Variants in SPC25 observed in about 807,000 individuals in gnomAD.
SPC25 encodes SPC25 component of NDC80 kinetochore complex.
Under a neutral mutation model 29.6 loss-of-function variants are expected in SPC25, and 22 were observed. That is an observed-to-expected ratio of 0.74 (90% CI 0.53 to 1.06). The LOEUF (loss-of-function observed/expected upper bound fraction) is 1.06. Among genes scored for constraint, SPC25 ranks in the 50% least tolerant of loss-of-function variants. SPC25 has a pLI of 0.00. For synonymous variants in SPC25, 91 were observed against 90.4 expected (o/e 1.01, Z -0.04); for missense variants, 230 against 255.8 (o/e 0.90, Z 0.69).
downstream of SPC25, among the ~76,000 whole-genome samples, chr2:168,869,595 C>A (rs985717182): frequency 2.0e-5 from 3 of 152,130 alleles, no homozygotes; most frequent in Non-Finnish European, 2.9e-5. Context: ...CATGAGTGAA[C>A]TCCCATTCAC....
Position 168,863,706 on chromosome 2 carries a change from A to G in SPC25, n.419+9879T>C, listed in dbSNP as rs1172826149. The G allele has an allele frequency of 7.5e-6, 7 of 930,340 alleles. No homozygotes were observed. In the African/African-American group the frequency reaches 1.1e-4, roughly 14 times the overall value. 57.6% of individuals were successfully genotyped at this position (930,340 alleles called of 1,614,324 possible). On this transcript the variant is annotated intron_variant and non_coding_transcript_variant, in intron 4 of 4. Transcript: ENST00000479309. ...AAACTTTTGGCCTGTGAAATCAGGG[A>G]TAATGCAGAGACATTGTCTTGATCT...
downstream of SPC25, chr2:168,870,846 C>T (rs556436490): frequency 6.6e-6 from 1 of 151,542 alleles, no homozygotes; most frequent in Admixed American, 6.5e-5. Flanking sequence ...ACCCAGCCCT[C>T]CCATTATTGG....
chr2:168,863,785 C>T (rs1203285019), intron 4 of SPC25: 6 of 361,032 alleles, frequency 1.7e-5, no homozygotes, highest in African/African-American at 2.2e-5. Context: ...GCCAAACAAT[C>T]AAAAACACCA....
downstream of SPC25, among the ~76,000 whole-genome samples, chr2:168,869,778 T>G (rs1241647055): frequency 1.3e-5 from 2 of 152,320 alleles, no homozygotes; most frequent in East Asian, 1.9e-4. Flanking sequence ...ATGGCCATGT[T>G]GCCCAAGGTA....
chr2:168,870,803 T>A (rs2105820313), downstream of SPC25: 1 of 151,674 alleles, frequency 6.6e-6, no homozygotes, highest in South Asian at 2.1e-4. Flanking sequence ...GTGTGGCGAT[T>A]CCTCAGGGAC....
At chr2:168,881,267 G>C (rs1167127465) in intron 3 of SPC25, among the ~76,000 whole-genome samples, 1 of 151,970 alleles carries the variant, frequency 6.6e-6, no homozygotes, top group African/African-American at 2.4e-5. Flanking sequence ...AGTTCTTCTT[G>C]CCCTAGCCCT....
intron 4 of SPC25, chr2:168,864,892 T>A (rs1443857186): frequency 1.2e-6 from 2 of 1,614,000 alleles, no homozygotes; most frequent in Non-Finnish European, 1.7e-6. Flanking sequence ...GATCTTTGAA[T>A]GGGAAAAAAG....
intron 3 of SPC25, among the ~76,000 whole-genome samples, chr2:168,881,334 A>G (rs945929879): frequency 3.9e-5 from 6 of 152,210 alleles, no homozygotes; most frequent in African/African-American, 1.4e-4. Context: ...TGCTCAAAAT[A>G]AAAACAACAA....
Position 168,871,563 on chromosome 2 carries a change from A to G in SPC25, c.551-8T>C, listed in dbSNP as rs766830311. 2.9e-4 allele frequency: 210 copies of G among 736,608 alleles called. No homozygotes were observed. In the African/African-American group the frequency reaches 9.9e-3, roughly 35 times the overall value. 45.6% of individuals were successfully genotyped at this position (736,608 alleles called of 1,614,324 possible). ...GAGGGGCACTATCTGACACTAGAAA[A>G]AAAAAAAAAAGAAATCAAAGACAAT... is the stretch of plus-strand genomic sequence containing the variant. On this transcript the variant is annotated splice_polypyrimidine_tract_variant and splice_region_variant and intron_variant, in intron 6 of 6. Coordinates refer to ENST00000282074, the MANE Select transcript of SPC25 (RefSeq NM_020675.4).
chr2:168,886,050 C>CTTTTT (rs66484575), intron 3 of SPC25, among the ~76,000 whole-genome samples: 1 of 97,072 alleles, frequency 1.0e-5, no homozygotes, highest in Non-Finnish European at 2.0e-5. Context: ...CGAATACAAT[C>CTTTTT]TTTTTTTTTT....
intron 5 of SPC25, among the ~76,000 whole-genome samples, chr2:168,874,335 T>A (rs1015369825): frequency 6.6e-6 from 1 of 152,180 alleles, no homozygotes; most frequent in Non-Finnish European, 1.5e-5. Flanking sequence ...TCAAAAAGTT[T>A]AAATACAGAA....
chr2:168,889,353 C>T, intron 2 of SPC25, 34 bp downstream of exon 2: 9 of 1,613,474 alleles, frequency 5.6e-6, no homozygotes, highest in Non-Finnish European at 7.6e-6. Flanking sequence ...ACTAGAACAG[C>T]AAAACCAGCA....
At chr2:168,866,693 C>A (rs1242977980), downstream of SPC25, among the ~76,000 whole-genome samples, 1 of 152,208 alleles carries the variant, frequency 6.6e-6, no homozygotes, top group Non-Finnish European at 1.5e-5. Context: ...AACAGGCAAC[C>A]TACAGAATGG....
intron 4 of SPC25, among the ~76,000 whole-genome samples, chr2:168,864,639 C>T (rs1050162543): frequency 5.3e-5 from 8 of 152,172 alleles, no homozygotes; most frequent in Non-Finnish European, 7.4e-5. Context: ...CATTATCTTA[C>T]TCTTTTTAGT....
chr2:168,864,861 A>G, intron 4 of SPC25: 1 of 1,614,022 alleles, frequency 6.2e-7, no homozygotes, highest in Non-Finnish European at 8.5e-7. Context: ...CACGAGAAAA[A>G]AGAAGGAGGA....
Position 168,871,554 on chromosome 2 carries a change from C to T in SPC25, c.552G>A (p.Val184=), listed in dbSNP as rs765583624. Residue 184 remains valine, a splice_region_variant and synonymous_variant, in exon 7 of 7, where the codon GTG becomes GTA. Transcript: ENST00000282074. ...LHLNEARDYE[V]SDSAPHLEGL... ...CCTCAAGATGAGGGGCACTATCTGA[C>T]ACTAGAAAAAAAAAAAAAAGAAATC... The T allele has an allele frequency of 2.1e-6, 3 of 1,460,448 alleles. No individual in the cohort carries two copies. Among genetic ancestry groups the T allele is most frequent in the Non-Finnish European group, 2.7e-6 (3 of 1,116,312 alleles). 90.5% of individuals were successfully genotyped at this position (1,460,448 alleles called of 1,614,324 possible). A position where few individuals can be genotyped will look rare whatever the true frequency, so the allele number is the denominator to read the frequency against.
At chr2:168,864,902 G>C (rs1444050704) in intron 4 of SPC25, 2 of 1,614,048 alleles carry the variant, frequency 1.2e-6, no homozygotes, top group Non-Finnish European at 1.7e-6. Context: ...TGGGAAAAAA[G>C]GCCATTTTCC....
In SPC25 at chr2:168,871,383, T is replaced by C. The variant is rs1408165873; in HGVS notation, c.*48A>G. 5.3e-6 allele frequency: 8 copies of C among 1,505,686 alleles called. No homozygotes were observed. Among genetic ancestry groups the C allele is most frequent in the African/African-American group, 2.8e-5 (2 of 70,212 alleles). The allele number at this position is 1,505,686 out of a possible 1,614,324, so 93.3% of individuals were successfully genotyped here. ...AATAAAAACAAGAAAAAAAGAGATA[T>C]GTAATAGAGAAGAAAAATAAACCGT... On this transcript the variant is annotated 3_prime_UTR_variant, in exon 7 of 7. Transcript: ENST00000282074.
At chr2:168,867,281 A>G (rs1689881898), downstream of SPC25, among the ~76,000 whole-genome samples, 1 of 152,224 alleles carries the variant, frequency 6.6e-6, no homozygotes, top group Non-Finnish European at 1.5e-5. Flanking sequence ...CTGCAAAAAC[A>G]TGCCAAAATG....
Sources: gnomAD v4.1 joint callset for allele counts (sites outside exome capture counted in the v4.1 genomes callset) on GRCh38, gnomAD v4.1.1 for gene constraint, MANE v1.5 for transcripts, NCBI Gene and HGNC (gene_info 2026-07-23, HGNC 2026-07-21) for gene names.